LOC114841035: variants seen among roughly 807,000 people sequenced by gnomAD.
chr11:64,243,666 A>T, the LOC114841035 span: 1 of 1,149,530 alleles, frequency 8.7e-7, no homozygotes, highest in Non-Finnish European at 1.3e-6. Context: ...TCATTGAAGC[A>T]CTCAGCTGTA....
At chr11:64,243,791 T>C in the LOC114841035 span, 1 of 1,609,712 alleles carries the variant, frequency 6.2e-7, no homozygotes, top group South Asian at 1.1e-5. Context: ...TTGCCCACAC[T>C]GGAAGGGAGC....
At chr11:64,241,480 G>A in the LOC114841035 span, among the ~76,000 whole-genome samples, 1 of 151,966 alleles carries the variant, frequency 6.6e-6, no homozygotes, top group Non-Finnish European at 1.5e-5. Flanking sequence ...GCGGAGCCTC[G>A]GGGTCGGAAG....
chr11:64,242,185 C>A, the LOC114841035 span: 1 of 499,164 alleles, frequency 2.0e-6, no homozygotes, highest in Non-Finnish European at 3.4e-6. Context: ...TGCTGGGGTC[C>A]TCGGCCAAGC....
chr11:64,244,082 CA>C, the LOC114841035 span: 949 of 1,268,656 alleles, frequency 7.5e-4, no homozygotes, highest in Non-Finnish European at 8.2e-4. Context: ...CAGACTGTTC[CA>C]AAAAAAAAAC....
At chr11:64,242,385 G>A in the LOC114841035 span, 1 of 1,524,658 alleles carries the variant, frequency 6.6e-7, no homozygotes, top group Non-Finnish European at 8.8e-7. Context: ...TGCCCACAGA[G>A]ACATGAGGCT....
chr11:64,241,429 C>T, the LOC114841035 span, among the ~76,000 whole-genome samples: 10 of 144,926 alleles, frequency 6.9e-5, no homozygotes, highest in Non-Finnish European at 1.0e-4. Context: ...GGTCGGGGGA[C>T]GGAGCCTGGC....
At chr11:64,242,318 C>A in the LOC114841035 span, 1 of 1,399,198 alleles carries the variant, frequency 7.1e-7, no homozygotes, top group South Asian at 1.5e-5. Flanking sequence ...CTGTTACCTA[C>A]CCGTGTTCCA....
At chr11:64,243,766 CG>C in the LOC114841035 span, 26 of 1,580,786 alleles carry the variant, frequency 1.6e-5, no homozygotes, top group Non-Finnish European at 2.2e-5. Context: ...CTGAGAGGGG[CG>C]GAACACTCTC....
chr11:64,242,261 A>G, the LOC114841035 span: 5 of 992,726 alleles, frequency 5.0e-6, no homozygotes, highest in Non-Finnish European at 6.9e-6. Context: ...ACCCGGGACA[A>G]AGGGGATCCC....
the LOC114841035 span, chr11:64,242,406 C>T: frequency 1.3e-6 from 2 of 1,544,106 alleles, no homozygotes; most frequent in South Asian, 2.4e-5. Flanking sequence ...GAGCTGGTTC[C>T]GGGTCCTGAC....
chr11:64,243,355 C>A, the LOC114841035 span: 14 of 1,597,300 alleles, frequency 8.8e-6, no homozygotes, highest in African/African-American at 1.2e-4. Flanking sequence ...GCGTGCATGG[C>A]CACCGCCCAG....
At chr11:64,243,285 C>G in the LOC114841035 span, 301 of 1,608,946 alleles carry the variant, frequency 1.9e-4, no homozygotes, top group Non-Finnish European at 2.5e-4. Flanking sequence ...GCCAGGTCAT[C>G]AAGGGCTGGG....
chr11:64,244,068 G>C, the LOC114841035 span: 1 of 1,595,134 alleles, frequency 6.3e-7, no homozygotes, highest in Non-Finnish European at 8.6e-7. Flanking sequence ...CCCCCATCAG[G>C]GACCAGACTG....
the LOC114841035 span, chr11:64,243,988 G>C: frequency 6.2e-7 from 1 of 1,614,064 alleles, no homozygotes; most frequent in Non-Finnish European, 8.5e-7. Flanking sequence ...CCTGGTGTTC[G>C]AGGTGGAGCT....
chr11:64,241,373 G>C, the LOC114841035 span: 2 of 152,444 alleles, frequency 1.3e-5, no homozygotes, highest in African/African-American at 4.8e-5. Flanking sequence ...CTCCGAGCTG[G>C]TGCCAGTGGA....
the LOC114841035 span, chr11:64,243,346 C>A: frequency 6.3e-7 from 1 of 1,596,956 alleles, no homozygotes; most frequent in South Asian, 1.1e-5. Context: ...GGAGTGGGGG[C>A]GTGCATGGCC....
the LOC114841035 span, chr11:64,241,538 A>G: frequency 1.3e-5 from 2 of 152,810 alleles, no homozygotes; most frequent in Middle Eastern, 3.4e-3. Context: ...TCAGCCGGTG[A>G]GTGGCGTGGC....
At chr11:64,242,141 G>T in the LOC114841035 span, 1 of 448,036 alleles carries the variant, frequency 2.2e-6, no homozygotes. Context: ...CGGGTCCCTG[G>T]CTGCTGTGGC....
At chr11:64,243,517 G>C in the LOC114841035 span, 4 of 1,613,038 alleles carry the variant, frequency 2.5e-6, no homozygotes, top group African/African-American at 5.3e-5. Flanking sequence ...CCCTCCTGAG[G>C]GTGCAGAGCG....
Sources: gnomAD v4.1 joint callset for allele counts (sites outside exome capture counted in the v4.1 genomes callset) on GRCh38, gnomAD v4.1.1 for gene constraint, MANE v1.5 for transcripts.